The following ACTR1B variants were observed in gnomAD, a reference collection of about 807,000 sequenced individuals.
ACTR1B encodes beta-centractin.
ACTR1B carries 34 observed loss-of-function variants against 49.4 expected under a neutral mutation model. That is an observed-to-expected ratio of 0.69 (90% CI 0.52 to 0.92). The LOEUF (loss-of-function observed/expected upper bound fraction) is 0.92, where lower values mean the gene tolerates loss of function less well. ACTR1B is among the 40% of genes least tolerant of loss of function. ACTR1B has a pLI of 0.00. For synonymous variants in ACTR1B, 207 were observed against 207.8 expected, an observed-to-expected ratio of 1.00 and a Z score of 0.03; for missense variants, 471 against 522.4, an observed-to-expected ratio of 0.90 and a Z score of 0.96.
intron 2 of ACTR1B, among the ~76,000 whole-genome samples, 160 bp from the exon 3 acceptor site, chr2:97,660,806 G>T (rs368304448): frequency 6.6e-6 from 1 of 152,214 alleles, no homozygotes; most frequent in Non-Finnish European, 1.5e-5. Flanking sequence ...TATGGGGTTC[G>T]GGGCTAGAGA....
rs1471206373 is a variant in ACTR1B, at chr2:97,659,091, G to A, written c.316-88C>T. The A allele has an allele frequency of 1.1e-5, 17 of 1,583,994 alleles. No homozygotes were observed. The highest frequency in any genetic ancestry group is 1.7e-5 in the Admixed American group (1 of 59,346). Reference sequence around the variant, plus strand: ...TTTCCAGAGAACCACACCCGCTGGCGCACAGGCAGCTCAGCCTCCTACCCC... The same window carrying A: ...TTTCCAGAGAACCACACCCGCTGGCACACAGGCAGCTCAGCCTCCTACCCC... On this transcript the variant is annotated intron_variant, in intron 4 of 10. Coordinates refer to ENST00000289228, the MANE Select transcript of ACTR1B (RefSeq NM_005735.4). This position sits in a 1 kb window ranked among gnomAD's most constrained non-coding sequence, Gnocchi z 4.0.
At position 97,659,453 on chromosome 2, in the gene ACTR1B, G is replaced by A; in HGVS notation, c.214C>T (p.Arg72Cys). 6 of 1,613,850 alleles carry A rather than the reference G, an allele frequency of 3.7e-6. No individual in the cohort carries two copies. The highest frequency in any genetic ancestry group is 2.2e-5 in the South Asian group (2 of 91,086). Residue 72 changes from arginine (R) to cysteine (C), a missense_variant, in exon 4 of 11, where the codon CGC becomes TGC. Transcript: ENST00000289228. The surrounding 1 kb of genome is among the most constrained non-coding windows in gnomAD (Gnocchi z 4.0). ...ACCACGCCGTGCTCCATGGGGTAGC[G>A]GATGGTCAGCAGCCCCCGGTGCTCC... ...AEEHRGLLTI[R>C]YPMEHGVVRD...
chr2:97,656,962 T>C lies in ACTR1B; in HGVS notation c.1029-2A>G. 1.9e-6 allele frequency: 3 copies of C among 1,591,892 alleles called. No homozygotes were observed. Among genetic ancestry groups the C allele is most frequent in the Non-Finnish European group, 2.6e-6 (3 of 1,168,586 alleles). ...TCCAGCGAGGCCAGGATGGAGCCGCTGTGGGGATGGAGGGATAGTATTGCT... is the reference window on the plus strand; with the variant it reads ...TCCAGCGAGGCCAGGATGGAGCCGCCGTGGGGATGGAGGGATAGTATTGCT... On this transcript the variant is annotated splice_acceptor_variant, in intron 10 of 10. Transcript: ENST00000289228. LOFTEE classifies it high-confidence loss of function.
chr2:97,661,803 A>C, intron 2 of ACTR1B, 79 bp downstream of exon 2: 1 of 1,440,224 alleles, frequency 6.9e-7, no homozygotes, highest in African/African-American at 1.4e-5. Flanking sequence ...ATTGTCTTCA[A>C]AGAGCCCTGT....
rs757632610 is a variant in ACTR1B, at chr2:97,658,311, C to T, written c.663G>A (p.Ala221=). Residue 221 remains alanine, a synonymous_variant, in exon 7 of 11, where the codon GCG becomes GCA. Coordinates refer to ENST00000289228, the MANE Select transcript of ACTR1B (RefSeq NM_005735.4). The surrounding 1 kb of genome is among the most constrained non-coding windows in gnomAD (Gnocchi z 5.9). ...TCTGTGGGTTGATGGACAGGTAGCA[C>T]GCTCGCTGCGGGGACAGGGACACAG... The part of the protein sequence containing the change: ...FEVVRTIKER[A]CYLSINPQKD... The T allele has an allele frequency of 1.3e-5, 21 of 1,614,092 alleles. No individual in the cohort carries two copies. Among genetic ancestry groups the T allele is most frequent in the Admixed American group, 8.3e-5 (5 of 60,006 alleles).
chr2:97,662,858 G>C (rs935924052), intron 1 of ACTR1B, among the ~76,000 whole-genome samples: 14 of 152,194 alleles, frequency 9.2e-5, no homozygotes, highest in Admixed American at 1.3e-4. Flanking sequence ...TCCTGCTGGT[G>C]TGACAGCACG....
At chr2:97,660,423 C>G (rs1674981779) in intron 3 of ACTR1B, 148 bp downstream of exon 3, 6 of 729,550 alleles carry the variant, frequency 8.2e-6, no homozygotes, top group Admixed American at 2.4e-5. Flanking sequence ...GCTGCCCCAT[C>G]TCAGGGGGAG....
chr2:97,663,905 G>A lies in ACTR1B; in HGVS notation c.-15C>T, dbSNP rs759060428. On this transcript the variant is annotated 5_prime_UTR_variant, in exon 1 of 11. Transcript: ENST00000289228. ...TAGGACTCCATGGCCGGGCCGCGCC[G>A]GCCCTGCCCAGCAGGCGGGCTGCAG... 158 of 1,359,950 alleles carry A rather than the reference G, an allele frequency of 1.2e-4. No individual in the cohort carries two copies. Among genetic ancestry groups the A allele is most frequent in the Non-Finnish European group, 1.5e-4 (153 of 1,041,390 alleles). The allele number at this position is 1,359,950 out of a possible 1,614,324, so 84.2% of individuals were successfully genotyped here.
At chr2:97,657,839 C>T in intron 8 of ACTR1B, 104 bp downstream of exon 8, 1 of 1,396,950 alleles carries the variant, frequency 7.2e-7, no homozygotes, top group Non-Finnish European at 9.8e-7. Context: ...CATTGAGCAC[C>T]ACCAAAAAGC....
At position 97,656,565 on chromosome 2, in the gene ACTR1B, A is replaced by C. The variant is rs1674848178; in HGVS notation, c.*293T>G. ...GGGAGGCAGCCCTGAGAGTCGGAGC[A>C]GGGAACCACAGGCCTAGCTGGCCCT... is the stretch of plus-strand genomic sequence containing the variant. On this transcript the variant is annotated 3_prime_UTR_variant, in exon 11 of 11. Coordinates refer to ENST00000289228, the MANE Select transcript of ACTR1B (RefSeq NM_005735.4). 1.1e-5 allele frequency: 4 copies of C among 361,276 alleles called. No individual in the cohort carries two copies. The highest frequency in any genetic ancestry group is 2.1e-5 in the Non-Finnish European group (4 of 194,532). 22.4% of individuals were successfully genotyped at this position (361,276 alleles called of 1,614,324 possible).
chr2:97,663,491 A>G (rs1159186658), intron 1 of ACTR1B, among the ~76,000 whole-genome samples: 1 of 152,202 alleles, frequency 6.6e-6, no homozygotes, highest in Non-Finnish European at 1.5e-5. Context: ...AGGACGCGGA[A>G]AGGAACTGGT....
At chr2:97,661,471 A>G (rs1308957775) in intron 2 of ACTR1B, among the ~76,000 whole-genome samples, 1 of 152,254 alleles carries the variant, frequency 6.6e-6, no homozygotes, top group Non-Finnish European at 1.5e-5. Context: ...AACTGAAACA[A>G]GACATTTTCT....
Position 97,659,410 on chromosome 2 carries a change from A to G in ACTR1B, c.257T>C (p.Met86Thr). The G allele has an allele frequency of 6.2e-7, 1 of 1,613,972 alleles. No individual in the cohort carries two copies. The highest frequency in any genetic ancestry group is 8.5e-7 in the Non-Finnish European group (1 of 1,179,974). The part of the protein sequence containing the change: ...EHGVVRDWND[M>T]ERIWQYVYSK... ...GTAGACGTACTGCCAGATGCGTTCC[A>G]TGTCGTTCCAGTCTCGCACCACGCC... The change falls in exon 4 of 11, where the codon ATG (methionine) becomes ACG (threonine). Residue 86 changes from methionine to threonine, a missense_variant. By Grantham distance (81) the Met-to-Thr change is moderately conservative. Coordinates refer to ENST00000289228, the MANE Select transcript of ACTR1B (RefSeq NM_005735.4). This position sits in a 1 kb window ranked among gnomAD's most constrained non-coding sequence, Gnocchi z 4.0.
Position 97,658,941 on chromosome 2 carries a change from C to A in ACTR1B, c.378G>T (p.Glu126Asp). 1.9e-6 allele frequency: 3 copies of A among 1,614,156 alleles called. No homozygotes were observed. The highest frequency in any genetic ancestry group is 2.5e-6 in the Non-Finnish European group (3 of 1,180,018). ...NPSKNREKAA[E>D]VFFETFNVPA... Reference sequence around the variant, plus strand: ...GCACGTTGAAGGTCTCAAAGAACACCTCTGCCGCCTTCTCCCGGTTCTTAC... The same window carrying A: ...GCACGTTGAAGGTCTCAAAGAACACATCTGCCGCCTTCTCCCGGTTCTTAC... Residue 126 changes from glutamate to aspartate, a missense_variant, in exon 5 of 11, where the codon GAG becomes GAT. Glu to Asp is a conservative substitution (Grantham distance 45). Transcript: ENST00000289228. This position sits in a 1 kb window ranked among gnomAD's most constrained non-coding sequence, Gnocchi z 5.9.
chr2:97,656,921 C>A lies in ACTR1B; in HGVS notation c.1068G>T (p.Met356Ile). ...CTTCATACTCCTTTTTGGACACCCA[C>A]ATCTTCTTAAAAGTGTCCAGCGAGG... ...ILASLDTFKK[M>I]WVSKKEYEED... is the part of the protein sequence containing the mutation. Residue 356 changes from methionine to isoleucine, a missense_variant, in exon 11 of 11, where the codon ATG becomes ATT. Transcript: ENST00000289228. The A allele has an allele frequency of 6.3e-7, 1 of 1,596,268 alleles. No individual in the cohort carries two copies. The highest frequency in any genetic ancestry group is 1.8e-5 in the Admixed American group (1 of 56,582).
Position 97,658,850 on chromosome 2 carries a change from C to G in ACTR1B, c.440+29G>C, listed in dbSNP as rs765003867. On this transcript the variant is annotated intron_variant, in intron 5 of 10. Coordinates refer to ENST00000289228, the MANE Select transcript of ACTR1B (RefSeq NM_005735.4). The surrounding 1 kb of genome is among the most constrained non-coding windows in gnomAD (Gnocchi z 5.9). ...AGGACGGCACAGGGAGGACAGGACT[C>G]AGGGAGGCCAGGCTTAGGGAGCACT... 1.9e-6 allele frequency: 3 copies of G among 1,613,680 alleles called. No individual in the cohort carries two copies. Among genetic ancestry groups the G allele is most frequent in the African/African-American group, 1.3e-5 (1 of 74,874 alleles).
At position 97,660,562 on chromosome 2, in the gene ACTR1B, C is replaced by T. The variant is rs1037078357; in HGVS notation, c.189+9G>A. 16 of 1,613,702 alleles carry T rather than the reference C, an allele frequency of 9.9e-6. No homozygotes were observed. The highest frequency in any genetic ancestry group is 1.7e-5 in the Admixed American group (1 of 60,006). On this transcript the variant is annotated intron_variant, in intron 3 of 10. Coordinates refer to ENST00000289228, the MANE Select transcript of ACTR1B (RefSeq NM_005735.4). ...CACCCCCAGGGAAAGGCAGGCTCCT[C>T]GGTGTTACCTCTGCTTTTGGTCCGA... is the stretch of plus-strand genomic sequence containing the variant.
At position 97,657,957 on chromosome 2, in the gene ACTR1B, G is replaced by A; in HGVS notation, c.911C>T (p.Ser304Leu). 1 of 1,614,116 alleles carries A rather than the reference G, an allele frequency of 6.2e-7. No homozygotes were observed. The highest frequency in any genetic ancestry group is 8.5e-7 in the Non-Finnish European group (1 of 1,180,014). The change falls in exon 8 of 11, where the codon TCA (serine) becomes TTA (leucine). Residue 304 changes from serine to leucine, a missense_variant. By Grantham distance (145) the Ser-to-Leu change is moderately radical (BLOSUM62 -2). Transcript: ENST00000289228. ...LFANIVLSGGSTLFKGFGDRL... is the reference protein window; with the variant it reads ...LFANIVLSGGLTLFKGFGDRL... The stretch of plus-strand genomic sequence containing the variant: ...AGCCACAGTACCTTTGAAAAGCGTT[G>A]AGCCACCTGAGAGCACGATGTTGGC...
At chr2:97,657,124 C>T (rs1238894759) in intron 10 of ACTR1B, 28 bp downstream of exon 10, 1 of 1,609,640 alleles carries the variant, frequency 6.2e-7, no homozygotes, top group Non-Finnish European at 8.5e-7. Flanking sequence ...GGTCTCCTCC[C>T]AGAGCCCTCC....
Sources: gnomAD v4.1 joint callset for allele counts (sites outside exome capture counted in the v4.1 genomes callset) on GRCh38, gnomAD v4.1.1 for gene constraint, Gnocchi (gnomAD v3.1) non-coding constraint, MANE v1.5 for transcripts, NCBI Gene and HGNC (gene_info 2026-07-23, HGNC 2026-07-21) for gene names.